The following HPGDS variants were observed in gnomAD, a reference collection of about 807,000 sequenced individuals.
The protein encoded by HPGDS is hematopoietic prostaglandin D synthase, also known as GST class-sigma.
A neutral mutation model predicts 23.1 loss-of-function variants in HPGDS; 26 were observed. That is an observed-to-expected ratio of 1.13 (90% CI 0.83 to 1.56). The LOEUF is 1.56. Among genes scored for constraint, HPGDS ranks in the 40% most tolerant of loss-of-function variants. HPGDS has a pLI of 0.00. For synonymous variants in HPGDS, 95 were observed against 77.9 expected (o/e 1.22, Z -1.16); for missense variants, 268 against 236.4 (o/e 1.13, Z -0.88).
intron 1 of HPGDS, among the ~76,000 whole-genome samples, chr4:94,338,400 G>C (rs904407553): frequency 3.3e-5 from 5 of 152,108 alleles, no homozygotes; most frequent in African/African-American, 1.2e-4. Context: ...ACTCCAGCCT[G>C]GGCGACAGTG....
chr4:94,310,683 G>A (rs553826708), intron 3 of HPGDS, among the ~76,000 whole-genome samples: 20 of 152,248 alleles, frequency 1.3e-4, no homozygotes, highest in African/African-American at 4.6e-4. Context: ...AAAGTCACTG[G>A]TAGCTTGATG....
At chr4:94,337,294 T>C (rs1370915551) in intron 1 of HPGDS, among the ~76,000 whole-genome samples, 5 of 152,006 alleles carry the variant, frequency 3.3e-5, no homozygotes, top group Non-Finnish European at 1.5e-5. Context: ...TGAAAAGCAT[T>C]CTATATAAAA....
chr4:94,326,565 T>TA (rs1247408557), intron 2 of HPGDS, among the ~76,000 whole-genome samples: 2 of 152,162 alleles, frequency 1.3e-5, no homozygotes, highest in Non-Finnish European at 2.9e-5. Context: ...GGATTTTTTT[T>TA]ATAATATCTA....
At position 94,334,630 on chromosome 4, in the gene HPGDS, G is replaced by C; in HGVS notation, c.-1C>G. On this transcript the variant is annotated 5_prime_UTR_variant, in exon 2 of 6. Transcript: ENST00000295256. ...AATAAGTGAGTTTGTAGTTTGGCATGGTGCAATTCTGGAAAAAGAAAAAGG... is the reference window on the plus strand; with the variant it reads ...AATAAGTGAGTTTGTAGTTTGGCATCGTGCAATTCTGGAAAAAGAAAAAGG... 1 of 1,608,738 alleles carries C rather than the reference G, an allele frequency of 6.2e-7. No individual in the cohort carries two copies. Among genetic ancestry groups the C allele is most frequent in the Middle Eastern group, 1.7e-4 (1 of 6,028 alleles).
At chr4:94,328,281 T>C (rs1255793961) in intron 2 of HPGDS, among the ~76,000 whole-genome samples, 1 of 152,222 alleles carries the variant, frequency 6.6e-6, no homozygotes, top group Non-Finnish European at 1.5e-5. Context: ...CTCTATTAGA[T>C]GTGTGGTTAT....
intron 3 of HPGDS, among the ~76,000 whole-genome samples, chr4:94,314,404 C>G (rs1297098614): frequency 6.6e-6 from 1 of 152,206 alleles, no homozygotes; most frequent in Non-Finnish European, 1.5e-5. Flanking sequence ...CAGAGGTCCA[C>G]TCCGGACCCT....
intron 3 of HPGDS, among the ~76,000 whole-genome samples, chr4:94,314,317 G>T (rs1383248709): frequency 6.6e-6 from 1 of 152,106 alleles, no homozygotes; most frequent in African/African-American, 2.4e-5. Context: ...ATGGAGTTTT[G>T]GTGTGGATGT....
intron 2 of HPGDS, among the ~76,000 whole-genome samples, chr4:94,320,152 T>C (rs1330200499): frequency 6.6e-6 from 1 of 152,168 alleles, no homozygotes; most frequent in Non-Finnish European, 1.5e-5. Context: ...TTCTTAATCC[T>C]GTCTAACACT....
chr4:94,338,668 C>T (rs916324239), intron 1 of HPGDS, among the ~76,000 whole-genome samples: 2 of 152,134 alleles, frequency 1.3e-5, no homozygotes, highest in African/African-American at 2.4e-5. Flanking sequence ...AAAGCATTTT[C>T]TTTAATGTCA....
chr4:94,307,684 A>G (rs1187685943), intron 4 of HPGDS, among the ~76,000 whole-genome samples: 1 of 152,182 alleles, frequency 6.6e-6, no homozygotes, highest in East Asian at 1.9e-4. Flanking sequence ...ATTGGAAATA[A>G]CAGATGAACT....
At position 94,299,479 on chromosome 4, in the gene HPGDS, G is replaced by C. The variant is rs369587145; in HGVS notation, c.*1C>G. ...ACAAACTTGAAGGCAACATGGATCA[G>C]CTAGAGTTTGGTTTGGGGCCTTCGT... is the stretch of plus-strand genomic sequence containing the variant. On this transcript the variant is annotated 3_prime_UTR_variant, in exon 6 of 6. Transcript: ENST00000295256. 3.1e-6 allele frequency: 5 copies of C among 1,608,084 alleles called. No individual in the cohort carries two copies. In the African/African-American group the frequency reaches 4.0e-5, roughly 13 times the overall value.
intron 1 of HPGDS, among the ~76,000 whole-genome samples, chr4:94,339,879 C>A (rs1023893913): frequency 2.6e-5 from 4 of 152,074 alleles, no homozygotes; most frequent in Non-Finnish European, 5.9e-5. Context: ...CTCACGAGAT[C>A]TGATCATTTT....
chr4:94,321,622 A>T (rs1369625553), intron 2 of HPGDS, among the ~76,000 whole-genome samples: 2 of 152,198 alleles, frequency 1.3e-5, no homozygotes, highest in South Asian at 2.1e-4. Flanking sequence ...TTGTATCCTG[A>T]GACTTTGTTG....
chr4:94,302,289 A>C, intron 4 of HPGDS, 45 bp from the exon 5 acceptor site: 1 of 1,336,110 alleles, frequency 7.5e-7, no homozygotes, highest in Non-Finnish European at 1.1e-6. Flanking sequence ...TGAGAAGAAA[A>C]GTAACATGAT....
intron 2 of HPGDS, among the ~76,000 whole-genome samples, chr4:94,332,522 C>T (rs547910204): frequency 3.3e-5 from 5 of 152,330 alleles, no homozygotes; most frequent in Admixed American, 6.5e-5. Context: ...GGGTCGCAGG[C>T]ACCCCAACCT....
chr4:94,311,305 C>A (rs905582448), intron 3 of HPGDS, among the ~76,000 whole-genome samples: 1 of 151,272 alleles, frequency 6.6e-6, no homozygotes, highest in African/African-American at 2.5e-5. Flanking sequence ...TTTTGAGATA[C>A]GTCCCATCTA....
At chr4:94,330,999 C>T (rs1452575384) in intron 2 of HPGDS, among the ~76,000 whole-genome samples, 1 of 152,168 alleles carries the variant, frequency 6.6e-6, no homozygotes, top group Non-Finnish European at 1.5e-5. Flanking sequence ...TAAAGTGACA[C>T]ACAAAAATCA....
intron 1 of HPGDS, among the ~76,000 whole-genome samples, chr4:94,339,253 C>A (rs956408023): frequency 2.0e-5 from 3 of 152,164 alleles, no homozygotes; most frequent in African/African-American, 7.2e-5. Context: ...ATTTCTGAAC[C>A]CTTCCACTGT....
intron 2 of HPGDS, among the ~76,000 whole-genome samples, chr4:94,329,338 G>T (rs115337998): frequency 0.017 from 2,568 of 152,240 alleles, 44 homozygotes; most frequent in South Asian, 0.031. Context: ...TGGAACCCTT[G>T]CTCAGCTGTT....
Sources: gnomAD v4.1 joint callset for allele counts (sites outside exome capture counted in the v4.1 genomes callset) on GRCh38, gnomAD v4.1.1 for gene constraint, MANE v1.5 for transcripts, NCBI Gene and HGNC (gene_info 2026-07-23, HGNC 2026-07-21) for gene names.